The following DPP10 variants were observed in gnomAD, a reference collection of about 807,000 sequenced individuals.
DPP10 encodes inactive dipeptidyl peptidase 10.
Under a neutral mutation model 120.9 loss-of-function variants are expected in DPP10, and 33 were observed. The ratio of observed to expected loss-of-function variants is 0.27; its 90% CI spans 0.21 to 0.37. The LOEUF (loss-of-function observed/expected upper bound fraction) is 0.37, where lower values mean the gene tolerates loss of function less well. Among genes scored for constraint, DPP10 ranks in the 10% least tolerant of loss-of-function variants. The probability of loss-of-function intolerance (pLI) is 1.00; values close to 1 mark genes in which losing one functional copy is unlikely to be tolerated. For missense variants in DPP10, 816 were observed against 942.8 expected (o/e 0.87, Z 1.76); for synonymous variants, 337 against 326.1 (o/e 1.03, Z -0.36).
chr2:114,594,426 A>ATG, intron 1 of DPP10, among the ~76,000 whole-genome samples: 1 of 148,698 alleles, frequency 6.7e-6, no homozygotes, highest in Admixed American at 6.8e-5. Context: ...GAATACATAT[A>ATG]TGTAAAAGGG....
intron 1 of DPP10, among the ~76,000 whole-genome samples, chr2:115,078,443 G>A (rs1312342391): frequency 1.3e-5 from 2 of 152,070 alleles, no homozygotes; most frequent in South Asian, 2.1e-4. Context: ...AAAGAATTAC[G>A]AGAAAATATC....
intron 5 of DPP10, among the ~76,000 whole-genome samples, chr2:115,688,034 A>AAGAGAGAGAGAGAGAG (rs70941088): frequency 1.3e-4 from 19 of 150,200 alleles, no homozygotes; most frequent in Non-Finnish European, 2.4e-4. Flanking sequence ...GAGAGAGAAA[A>AAGAGAGAGAGAGAGAG]AGAGAGAGAG....
intron 1 of DPP10, among the ~76,000 whole-genome samples, chr2:114,964,797 G>A (rs954714535): frequency 1.3e-5 from 2 of 152,180 alleles, no homozygotes; most frequent in African/African-American, 4.8e-5. Flanking sequence ...GACATAGCTA[G>A]GCAACTCAGT....
intron 20 of DPP10, 130 bp from the exon 21 acceptor site, chr2:115,815,545 G>A: frequency 1.3e-6 from 1 of 765,178 alleles, no homozygotes; most frequent in Non-Finnish European, 2.0e-6. Context: ...CCTAATACAT[G>A]AACAGAGCTA....
intron 3 of DPP10, among the ~76,000 whole-genome samples, chr2:115,365,604 A>G (rs1340585630): frequency 1.3e-5 from 2 of 152,056 alleles, no homozygotes; most frequent in Middle Eastern, 3.2e-3. Context: ...AAACATCTCA[A>G]TACAATGGCA....
intron 9 of DPP10, among the ~76,000 whole-genome samples, chr2:115,741,777 T>C (rs774759870): frequency 6.6e-6 from 1 of 152,134 alleles, no homozygotes; most frequent in African/African-American, 2.4e-5. Context: ...ACCAAATGCA[T>C]TGCTGCATGC....
At chr2:115,505,995 A>ATAAATTTT (rs1558770334) in intron 4 of DPP10, among the ~76,000 whole-genome samples, 6 of 151,768 alleles carry the variant, frequency 4.0e-5, no homozygotes, top group African/African-American at 1.4e-4. Flanking sequence ...TATTAATACA[A>ATAAATTTT]ATAAAATAAT....
chr2:115,705,117 G>A (rs1457642649), intron 7 of DPP10, among the ~76,000 whole-genome samples: 1 of 151,804 alleles, frequency 6.6e-6, no homozygotes, highest in African/African-American at 2.4e-5. Flanking sequence ...TATGAGCAAT[G>A]GTTTAGTTTC....
Position 115,415,841 on chromosome 2 carries a change from TTATATA to T in DPP10, c.271+71959_271+71964del, listed in dbSNP as rs70941057. The stretch of plus-strand genomic sequence containing the variant: ...ATCTGTCTTTATACCTGATTTGCTT[TTATATA>T]TATATATATATATATATATATATAT... On this transcript the variant is annotated intron_variant, in intron 3 of 25. Coordinates refer to ENST00000410059, the MANE Select transcript of DPP10 (RefSeq NM_020868.6). Among the ~76,000 whole-genome samples the T allele has an allele frequency of 2.6e-3, 196 of 74,290 alleles. 3 individuals carry two copies. The highest frequency in any genetic ancestry group is 0.017 in the Middle Eastern group (2 of 118). The allele number at this position is 74,290 out of a possible 152,430, so 48.7% of individuals were successfully genotyped here.
At chr2:115,039,681 T>TA (rs1365716186) in intron 1 of DPP10, among the ~76,000 whole-genome samples, 1 of 152,222 alleles carries the variant, frequency 6.6e-6, no homozygotes, top group African/African-American at 2.4e-5. Context: ...AGCCATCATT[T>TA]AAAAAATTAT....
intron 1 of DPP10, among the ~76,000 whole-genome samples, chr2:115,237,403 C>T (rs1395852585): frequency 6.6e-6 from 1 of 152,076 alleles, no homozygotes; most frequent in East Asian, 1.9e-4. Context: ...GCTGTTGCCC[C>T]ATCTATCTCC....
chr2:114,957,000 A>G (rs1307168870), intron 1 of DPP10, among the ~76,000 whole-genome samples: 6 of 151,488 alleles, frequency 4.0e-5, no homozygotes, highest in East Asian at 1.9e-4. Flanking sequence ...AAAAAAAAAA[A>G]AGAGAAAACT....
intron 1 of DPP10, among the ~76,000 whole-genome samples, chr2:114,826,178 G>A (rs1686515698): frequency 6.6e-6 from 1 of 152,072 alleles, no homozygotes; most frequent in South Asian, 2.1e-4. Context: ...TATGCCCTGG[G>A]TAGCTAAGAA....
intron 1 of DPP10, among the ~76,000 whole-genome samples, chr2:115,254,135 G>A (rs2058870776): frequency 6.6e-6 from 1 of 152,220 alleles, no homozygotes; most frequent in African/African-American, 2.4e-5. Flanking sequence ...CTGAGACTGG[G>A]TAATTTATAA....
intron 1 of DPP10, among the ~76,000 whole-genome samples, chr2:115,002,594 A>G (rs1701516473): frequency 6.6e-6 from 1 of 152,178 alleles, no homozygotes; most frequent in Admixed American, 6.5e-5. Flanking sequence ...ACAATGGGAG[A>G]AAATATTTAC....
intron 1 of DPP10, among the ~76,000 whole-genome samples, chr2:115,052,312 G>GAA (rs770790099): frequency 7.9e-5 from 12 of 151,066 alleles, no homozygotes; most frequent in African/African-American, 2.4e-4. Flanking sequence ...AGCAGCAAAA[G>GAA]AAAAAAATGG....
rs537458320 is a variant in DPP10 at position 115,175,867 on chromosome 2, G to A, written c.61-133372G>A. Among the ~76,000 whole-genome samples, 5 of 152,318 alleles carry A rather than the reference G, an allele frequency of 3.3e-5. No homozygotes were observed. The South Asian group carries it at 1.0e-3, about 32-fold the overall frequency. ...GTGGCTAGGGCTACTATATATTAGA[G>A]AATCAGTTTTAGAACACTATCCAAA... On this transcript the variant is annotated intron_variant, in intron 1 of 25. Coordinates refer to ENST00000410059, the MANE Select transcript of DPP10 (RefSeq NM_020868.6).
chr2:115,212,254 A>G (rs1247063649), intron 1 of DPP10, among the ~76,000 whole-genome samples: 6 of 152,146 alleles, frequency 3.9e-5, no homozygotes, highest in African/African-American at 1.4e-4. Flanking sequence ...ACCCTTCATT[A>G]CAGACTCTTT....
chr2:114,647,536 G>A (rs1696231545), intron 1 of DPP10, among the ~76,000 whole-genome samples: 1 of 151,948 alleles, frequency 6.6e-6, no homozygotes, highest in African/African-American at 2.4e-5. Context: ...TGTTCTTAGT[G>A]GGTTCTACAC....
Sources: allele counts gnomAD v4.1 joint callset (sites outside exome capture counted in the v4.1 genomes callset), GRCh38; gene constraint gnomAD v4.1.1; transcripts MANE v1.5; gene names NCBI Gene and HGNC (gene_info 2026-07-23, HGNC 2026-07-21).